CENPK: variants seen among roughly 807,000 people sequenced by gnomAD.
CENPK encodes the protein SoxLZ/Sox6-binding protein Solt.
CENPK carries 46 observed loss-of-function variants against 40.9 expected under a neutral mutation model. The ratio of observed to expected loss-of-function variants is 1.13; its 90% CI spans 0.89 to 1.44. The LOEUF (loss-of-function observed/expected upper bound fraction) is 1.44, where lower values mean the gene tolerates loss of function less well. Ranked by LOEUF, CENPK falls within the 40% of genes most tolerant of loss-of-function variation. The pLI is 0.00. For synonymous variants in CENPK, 107 were observed against 104.4 expected (o/e 1.02, Z -0.15); for missense variants, 288 against 303.5 (o/e 0.95, Z 0.38).
intron 6 of CENPK, among the ~76,000 whole-genome samples, chr5:65,540,096 G>A (rs1747693187): frequency 6.6e-6 from 1 of 152,164 alleles, no homozygotes; most frequent in South Asian, 2.1e-4. Flanking sequence ...CACCCTTTAA[G>A]TTCTTTCCCA....
chr5:65,495,655 T>C, the CENPK span, among the ~76,000 whole-genome samples: 1 of 152,158 alleles, frequency 6.6e-6, no homozygotes, highest in African/African-American at 2.4e-5. Context: ...CACAAGAAAA[T>C]TTATTATAAA....
intron 5 of CENPK, 62 bp from the exon 6 acceptor site, chr5:65,542,910 T>C: frequency 2.7e-6 from 4 of 1,466,622 alleles, no homozygotes; most frequent in Non-Finnish European, 3.7e-6. Flanking sequence ...AAATCAAGAA[T>C]TTAATTTTGC....
At chr5:65,511,416 A>G in the CENPK span, among the ~76,000 whole-genome samples, 35 of 152,258 alleles carry the variant, frequency 2.3e-4, no homozygotes, top group African/African-American at 8.4e-4. Context: ...TCATAGCTAG[A>G]GAAGTCAATG....
chr5:65,534,292 T>C (rs573182087), intron 6 of CENPK, among the ~76,000 whole-genome samples: 2 of 152,230 alleles, frequency 1.3e-5, no homozygotes, highest in African/African-American at 2.4e-5. Context: ...ATGTTAAAGA[T>C]AGCAATCTTC....
chr5:65,499,666 AAT>A, the CENPK span, among the ~76,000 whole-genome samples: 22 of 79,410 alleles, frequency 2.8e-4, no homozygotes, highest in African/African-American at 1.7e-3. Flanking sequence ...TTTTTTTTTT[AAT>A]TTTTTTTTTT....
At chr5:65,508,642 C>T in the CENPK span, among the ~76,000 whole-genome samples, 3 of 151,786 alleles carry the variant, frequency 2.0e-5, no homozygotes, top group Admixed American at 6.6e-5. Flanking sequence ...AAAAATTAGC[C>T]GGGCATGGTG....
intron 10 of CENPK, among the ~76,000 whole-genome samples, chr5:65,520,042 A>G (rs1743427406): frequency 6.6e-6 from 1 of 152,174 alleles, no homozygotes; most frequent in Non-Finnish European, 1.5e-5. Flanking sequence ...GTCCCCTACC[A>G]AATCTCATAT....
chr5:65,538,578 T>C (rs1195905454), intron 6 of CENPK, among the ~76,000 whole-genome samples: 2 of 152,222 alleles, frequency 1.3e-5, no homozygotes, highest in Non-Finnish European at 2.9e-5. Context: ...AAATATTTTC[T>C]CAGCGAAAGA....
chr5:65,559,792 T>G (rs1338191602), intron 2 of CENPK, among the ~76,000 whole-genome samples: 1 of 152,092 alleles, frequency 6.6e-6, no homozygotes, highest in East Asian at 1.9e-4. Flanking sequence ...TACAAAGCCT[T>G]TCTTGACTTT....
downstream of CENPK, among the ~76,000 whole-genome samples, chr5:65,514,228 A>AAATTTTTTTTT (rs1742690459): frequency 1.6e-5 from 1 of 61,648 alleles, no homozygotes; most frequent in African/African-American, 6.7e-5. Flanking sequence ...GCCTCACATA[A>AAATTTTTTTTT]TCTTTTTTTT....
chr5:65,504,644 C>A, the CENPK span, among the ~76,000 whole-genome samples: 1 of 152,048 alleles, frequency 6.6e-6, no homozygotes, highest in Non-Finnish European at 1.5e-5. Context: ...TGTAACCTTG[C>A]AGGTAATTTT....
Position 65,529,103 on chromosome 5 carries a change from T to C in CENPK, c.371+14A>G. On this transcript the variant is annotated intron_variant, in intron 7 of 10. Coordinates refer to ENST00000396679, the MANE Select transcript of CENPK (RefSeq NM_022145.5). ...ATATATGAATGATTAATAGTAATTG[T>C]AACATAAACAAACCTTTCTAAGTCT... 3 of 1,575,796 alleles carry C rather than the reference T, an allele frequency of 1.9e-6. No homozygotes were observed. The highest frequency in any genetic ancestry group is 2.2e-5 in the East Asian group (1 of 44,526).
At chr5:65,516,635 T>C (rs1170490592), downstream of CENPK, among the ~76,000 whole-genome samples, 1 of 152,196 alleles carries the variant, frequency 6.6e-6, no homozygotes, top group Non-Finnish European at 1.5e-5. Flanking sequence ...ATTTCAGTTT[T>C]ATCTGTAGTA....
chr5:65,562,158 T>C (rs769207374), intron 1 of CENPK, among the ~76,000 whole-genome samples: 14 of 151,538 alleles, frequency 9.2e-5, no homozygotes, highest in Non-Finnish European at 1.9e-4. Flanking sequence ...ACATTATTAT[T>C]ATCATTATCA....
Position 65,541,652 on chromosome 5 carries a change from A to G in CENPK, c.288+1150T>C, listed in dbSNP as rs145688245. 4.2e-3 allele frequency among the ~76,000 whole-genome samples: 645 copies of G among 152,292 alleles called. 4 individuals are homozygous for G. The highest frequency in any genetic ancestry group is 0.015 in the African/African-American group (612 of 41,564). On this transcript the variant is annotated intron_variant, in intron 6 of 10. Coordinates refer to ENST00000396679, the MANE Select transcript of CENPK (RefSeq NM_022145.5). The stretch of plus-strand genomic sequence containing the variant: ...TTCTTTTCAGGACTATTCTGGTATT[A>G]TCTAAGAAAACTGAGGCTTTCTCTA...
chr5:65,503,634 T>A, the CENPK span, among the ~76,000 whole-genome samples: 1 of 152,054 alleles, frequency 6.6e-6, no homozygotes, highest in African/African-American at 2.4e-5. Context: ...CTATTATCTT[T>A]AAGATACTTT....
chr5:65,519,802 A>T (rs1417786955), intron 10 of CENPK, among the ~76,000 whole-genome samples: 3 of 152,180 alleles, frequency 2.0e-5, no homozygotes, highest in African/African-American at 7.2e-5. Flanking sequence ...TGAGTATCAT[A>T]ATATAGAATT....
At chr5:65,560,962 ATC>A (rs1751857539) in intron 2 of CENPK, 1 of 152,188 alleles carries the variant, frequency 6.6e-6, no homozygotes, top group Non-Finnish European at 1.5e-5. Context: ...ACAGGTTTAA[ATC>A]TGTTTTGATA....
intron 5 of CENPK, among the ~76,000 whole-genome samples, chr5:65,544,452 G>A (rs1378107133): frequency 6.6e-6 from 1 of 152,078 alleles, no homozygotes; most frequent in African/African-American, 2.4e-5. Flanking sequence ...GAAATATGGT[G>A]TGACCATTAT....
Sources: gnomAD v4.1 joint callset for allele counts (sites outside exome capture counted in the v4.1 genomes callset) on GRCh38, gnomAD v4.1.1 for gene constraint, MANE v1.5 for transcripts, NCBI Gene and HGNC (gene_info 2026-07-23, HGNC 2026-07-21) for gene names.